Variants in ZNF736 observed in about 807,000 individuals in gnomAD.
ZNF736 encodes the protein KRAB-containing zinc-finger repressor protein.
ZNF736 carries 6 observed loss-of-function variants against 11.7 expected under a neutral mutation model. That is an observed-to-expected ratio of 0.51 (90% CI 0.28 to 1.01). The LOEUF (loss-of-function observed/expected upper bound fraction) is 1.01, where lower values mean the gene tolerates loss of function less well. Among genes scored for constraint, ZNF736 ranks in the 50% least tolerant of loss-of-function variants. The probability of loss-of-function intolerance (pLI) is 0.09; values close to 1 mark genes in which losing one functional copy is unlikely to be tolerated. For missense variants in ZNF736, 444 were observed against 496.0 expected, an observed-to-expected ratio of 0.90 and a Z score of 1.00; for synonymous variants, 139 against 164.7, an observed-to-expected ratio of 0.84 and a Z score of 1.19.
rs1327072709 is a variant in ZNF736 at position 64,341,660 on chromosome 7, CTA to C, written c.226+4680_226+4681del. Among the ~76,000 whole-genome samples the C allele has an allele frequency of 1.1e-4, 17 of 152,208 alleles. No homozygotes were observed. In the East Asian group the frequency reaches 3.3e-3, roughly 29 times the overall value. On this transcript the variant is annotated intron_variant, in intron 3 of 3. Coordinates refer to ENST00000423484, the MANE Select transcript of ZNF736 (RefSeq NM_001170905.3). ...ATTTTCATGTTAAGGGAGACAGACT[CTA>C]TTAATCAGAACTTTAAACAGACCTG...
intron 3 of ZNF736, among the ~76,000 whole-genome samples, chr7:64,342,762 A>T (rs1220341016): frequency 6.6e-6 from 1 of 152,128 alleles, no homozygotes; most frequent in East Asian, 1.9e-4. Flanking sequence ...GGCACACCAT[A>T]TATTATAATC....
Position 64,354,847 on chromosome 7 carries a change from C to G in ZNF736, c.*5700C>G, listed in dbSNP as rs1721816760. The G allele has an allele frequency of 6.6e-6, 1 of 152,026 alleles. No individual in the cohort carries two copies. Among genetic ancestry groups the G allele is most frequent in the South Asian group, 2.1e-4 (1 of 4,818 alleles). The allele number at this position is 152,026 out of a possible 1,614,324, so 9.4% of individuals were successfully genotyped here. ...AATTGAGTTTATTAAATTTATTGGG[C>G]CAATTTAAGTAAACAGTTGAACGTT... On this transcript the variant is annotated 3_prime_UTR_variant, in exon 4 of 4. Transcript: ENST00000423484.
At chr7:64,328,910 C>T (rs1789119791) in intron 1 of ZNF736, among the ~76,000 whole-genome samples, 1 of 151,402 alleles carries the variant, frequency 6.6e-6, no homozygotes, top group Admixed American at 6.6e-5. Context: ...TTTTTCTCTA[C>T]CTCCTCTTTA....
At chr7:64,327,732 T>A (rs748224753) in intron 1 of ZNF736, among the ~76,000 whole-genome samples, 2 of 152,176 alleles carry the variant, frequency 1.3e-5, no homozygotes, top group Non-Finnish European at 2.9e-5. Context: ...GAGGTTACCA[T>A]GAGGCTTGCA....
At chr7:64,326,361 A>C (rs921539867) in intron 1 of ZNF736, among the ~76,000 whole-genome samples, 1 of 152,182 alleles carries the variant, frequency 6.6e-6, no homozygotes, top group African/African-American at 2.4e-5. Flanking sequence ...TTTGTAGAAA[A>C]ATAGCTTCAC....
At position 64,313,979 on chromosome 7, in the gene ZNF736, C is replaced by G. The variant is rs528524683; in HGVS notation, c.-172C>G. The G allele has an allele frequency of 1.9e-5, 16 of 821,064 alleles. No individual in the cohort carries two copies. Among genetic ancestry groups the G allele is most frequent in the Non-Finnish European group, 2.9e-5 (15 of 513,222 alleles). 50.9% of individuals were successfully genotyped at this position (821,064 alleles called of 1,614,324 possible). On this transcript the variant is annotated 5_prime_UTR_variant, in exon 1 of 4. Coordinates refer to ENST00000423484, the MANE Select transcript of ZNF736 (RefSeq NM_001170905.3). Reference sequence around the variant, plus strand: ...GGAAGAGGCGGCCTCTTCAATATGGCGGGGCCTTTGTCTCCTAGCTTCCGG... The same window carrying G: ...GGAAGAGGCGGCCTCTTCAATATGGGGGGGCCTTTGTCTCCTAGCTTCCGG...
chr7:64,314,204 C>A, intron 1 of ZNF736, 51 bp downstream of exon 1: 1 of 1,547,542 alleles, frequency 6.5e-7, no homozygotes, highest in Non-Finnish European at 8.7e-7. Context: ...CTGTTTGAAT[C>A]CGGCCGGAAC....
rs1789533435 is a variant in ZNF736, at chr7:64,354,779, T to C, written c.*5632T>C. ...AATTAGAGAATGCTATTGAATCCAG[T>C]TTTTGTTTAGTTACTGTTCATTTTA... On this transcript the variant is annotated 3_prime_UTR_variant, in exon 4 of 4. Transcript: ENST00000423484. 2 of 152,212 alleles carry C rather than the reference T, an allele frequency of 1.3e-5. No homozygotes were observed. The highest frequency in any genetic ancestry group is 2.9e-5 in the Non-Finnish European group (2 of 68,024). 9.4% of individuals were successfully genotyped at this position (152,212 alleles called of 1,614,324 possible).
intron 1 of ZNF736, among the ~76,000 whole-genome samples, chr7:64,322,349 T>C (rs1480991450): frequency 6.6e-6 from 1 of 152,202 alleles, no homozygotes; most frequent in Non-Finnish European, 1.5e-5. Flanking sequence ...ATGCTGCCAC[T>C]ATGCTAAATC....
Position 64,319,377 on chromosome 7 carries a change from A to ATG in ZNF736, c.3+5225_3+5226insGT, listed in dbSNP as rs1788969347. ...TATATATATATATATATATATATAT[A>ATG]TATGCCTGACTAAGCCTGACTGTCA... On this transcript the variant is annotated intron_variant, in intron 1 of 3. Coordinates refer to ENST00000423484, the MANE Select transcript of ZNF736 (RefSeq NM_001170905.3). Among the ~76,000 whole-genome samples, 3 of 119,996 alleles carry ATG rather than the reference A, an allele frequency of 2.5e-5. No homozygotes were observed. In the Admixed American group the frequency reaches 2.6e-4, roughly 10 times the overall value. 78.7% of individuals were successfully genotyped at this position (119,996 alleles called of 152,430 possible). A position where few individuals can be genotyped will look rare whatever the true frequency, so the allele number is the denominator to read the frequency against.
intron 1 of ZNF736, among the ~76,000 whole-genome samples, chr7:64,328,258 T>TTG (rs1265328271): frequency 5.3e-5 from 8 of 151,712 alleles, no homozygotes; most frequent in South Asian, 2.1e-4. Context: ...GTTTTTGTTT[T>TTG]TTTTTTTATG....
intron 3 of ZNF736, among the ~76,000 whole-genome samples, chr7:64,346,331 T>A (rs570769602): frequency 1.4e-5 from 2 of 143,264 alleles, no homozygotes; most frequent in East Asian, 4.1e-4. Context: ...ATTTTGTCTT[T>A]TTTTTTTATT....
rs555488943 is a variant in ZNF736 at position 64,314,049 on chromosome 7, C to T, written c.-102C>T. ...TCTCCACTGTTCCATCTCCTCCGTT[C>T]CTGGAGTTCCTCGGTGACTCTACTA... On this transcript the variant is annotated 5_prime_UTR_variant, in exon 1 of 4. Transcript: ENST00000423484. 2.0e-6 allele frequency: 3 copies of T among 1,492,912 alleles called. No homozygotes were observed. In the East Asian group the frequency reaches 7.4e-5, roughly 37 times the overall value. The allele number at this position is 1,492,912 out of a possible 1,614,324, so 92.5% of individuals were successfully genotyped here.
rs1023131061 is a variant in ZNF736, at chr7:64,352,061, A to G, written c.*2914A>G. On this transcript the variant is annotated 3_prime_UTR_variant, in exon 4 of 4. Transcript: ENST00000423484. ...CTGTCCAGGGAGTTGCTAAGCTGCT[A>G]CTGGCTCAATAGCTCTGGCAATGAT... is the stretch of plus-strand genomic sequence containing the variant. The G allele has an allele frequency of 1.3e-5, 2 of 152,264 alleles. No homozygotes were observed. The highest frequency in any genetic ancestry group is 2.9e-5 in the Non-Finnish European group (2 of 68,124). 9.4% of individuals were successfully genotyped at this position (152,264 alleles called of 1,614,324 possible). A position where few individuals can be genotyped will look rare whatever the true frequency, so the allele number is the denominator to read the frequency against.
chr7:64,337,746 G>GTT (rs1187066176), intron 3 of ZNF736, among the ~76,000 whole-genome samples: 2 of 79,362 alleles, frequency 2.5e-5, no homozygotes, highest in Non-Finnish European at 5.7e-5. Flanking sequence ...GTTTTGTTTT[G>GTT]TTTTTTTTGG....
At chr7:64,328,967 TTG>T (rs1554303884) in intron 1 of ZNF736, among the ~76,000 whole-genome samples, 5 of 151,938 alleles carry the variant, frequency 3.3e-5, no homozygotes, top group African/African-American at 1.2e-4. Context: ...TTTTTTTTTT[TTG>T]GTCTCATCTG....
Position 64,348,798 on chromosome 7 carries a change from C to T in ZNF736, c.935C>T (p.Pro312Leu). ...KHKIIHTGDK[P>L]YTCNECGKAF... ...AAGATAATTCATACTGGAGACAAAC[C>T]CTACACATGTAATGAATGTGGAAAA... Residue 312 changes from proline (P) to leucine (L), a missense_variant, in exon 4 of 4, where the codon CCC becomes CTC. Coordinates refer to ENST00000423484, the MANE Select transcript of ZNF736 (RefSeq NM_001170905.3). 6.3e-7 allele frequency: 1 copy of T among 1,586,596 alleles called. No individual in the cohort carries two copies. The highest frequency in any genetic ancestry group is 8.6e-7 in the Non-Finnish European group (1 of 1,166,520).
In ZNF736 at chr7:64,356,606, C is replaced by A. The variant is rs1138703; in HGVS notation, c.*7459C>A. On this transcript the variant is annotated 3_prime_UTR_variant, in exon 4 of 4. Transcript: ENST00000423484. ...TTTACTTATTTAAGAAATCTAATTA[C>A]ATTTTAAATAAATTGCTGTTACCTG... is the stretch of plus-strand genomic sequence containing the variant. 0.059 allele frequency among the ~76,000 whole-genome samples: 8,917 copies of A among 151,764 alleles called. 285 individuals are homozygous for A. Among genetic ancestry groups the A allele is most frequent in the East Asian group, 0.076 (392 of 5,158 alleles).
chr7:64,345,368 G>T (rs184343664), intron 3 of ZNF736, among the ~76,000 whole-genome samples: 10 of 151,960 alleles, frequency 6.6e-5, no homozygotes, highest in Admixed American at 6.5e-4. Context: ...GAATGTGTGG[G>T]TCACTTTAAG....
Sources: allele counts gnomAD v4.1 joint callset (sites outside exome capture counted in the v4.1 genomes callset), GRCh38; gene constraint gnomAD v4.1.1; transcripts MANE v1.5; gene names NCBI Gene and HGNC (gene_info 2026-07-23, HGNC 2026-07-21).